Variants in ZNF362 observed in about 807,000 individuals in gnomAD.
ZNF362 encodes rotund homolog.
A neutral mutation model predicts 42.9 loss-of-function variants in ZNF362; 11 were observed. The ratio of observed to expected loss-of-function variants is 0.26; its 90% CI spans 0.16 to 0.42. The LOEUF is 0.42. Among genes scored for constraint, ZNF362 ranks in the 20% least tolerant of loss-of-function variants. The pLI, the probability that ZNF362 is intolerant of heterozygous loss-of-function variation, is 1.00. For missense variants in ZNF362, 362 were observed against 576.2 expected, an observed-to-expected ratio of 0.63 and a Z score of 3.81; for synonymous variants, 255 against 257.3, an observed-to-expected ratio of 0.99 and a Z score of 0.09.
chr1:33,211,546 A>G, the ZNF362 span, among the ~76,000 whole-genome samples: 1 of 152,134 alleles, frequency 6.6e-6, no homozygotes, highest in Non-Finnish European at 1.5e-5. Flanking sequence ...CTTTTCTTTA[A>G]GAATGTTGAA....
At chr1:33,251,834 T>C (rs1645763361), upstream of ZNF362, among the ~76,000 whole-genome samples, 2 of 152,244 alleles carry the variant, frequency 1.3e-5, no homozygotes, top group Admixed American at 1.3e-4. Context: ...TGAGACCTAA[T>C]TAAAGCATTA....
chr1:33,275,642 C>G (rs1645938601), intron 2 of ZNF362, among the ~76,000 whole-genome samples: 1 of 152,156 alleles, frequency 6.6e-6, no homozygotes, highest in African/African-American at 2.4e-5. Context: ...TGTCCGTACT[C>G]AAGGGGTCAG....
At chr1:33,200,222 A>T in the ZNF362 span, 1 of 152,146 alleles carries the variant, frequency 6.6e-6, no homozygotes, top group Admixed American at 6.5e-5. Context: ...CTTAGGCAAG[A>T]AGCTAAGGTG....
the ZNF362 span, chr1:33,181,033 C>G: frequency 6.5e-7 from 1 of 1,543,630 alleles, no homozygotes; most frequent in Non-Finnish European, 8.7e-7. The surrounding 1 kb of genome is among the most constrained non-coding windows in gnomAD (Gnocchi z 6.5). Context: ...ACCTGCAGCT[C>G]GTCGAAGGCG....
At chr1:33,203,636 T>C in the ZNF362 span, among the ~76,000 whole-genome samples, 2 of 152,170 alleles carry the variant, frequency 1.3e-5, no homozygotes, top group Non-Finnish European at 2.9e-5. Flanking sequence ...ACATGTGTTA[T>C]CTCTCATCTT....
In ZNF362 at chr1:33,294,844, G is replaced by A. The variant is rs913680665; in HGVS notation, c.909-93G>A. 9.1e-5 allele frequency: 129 copies of A among 1,420,910 alleles called. No homozygotes were observed. The highest frequency in any genetic ancestry group is 1.1e-4 in the Non-Finnish European group (111 of 1,014,268). The allele number at this position is 1,420,910 out of a possible 1,614,324, so 88.0% of individuals were successfully genotyped here. Reference sequence around the variant, plus strand: ...GGGGAGCATGGGCAGGGTAGGGACCGAGAGGCTTAGGGGCCAGAGTAAGGA... The same window carrying A: ...GGGGAGCATGGGCAGGGTAGGGACCAAGAGGCTTAGGGGCCAGAGTAAGGA... On this transcript the variant is annotated intron_variant, in intron 6 of 8. Transcript: ENST00000539719. This position sits in a 1 kb window ranked among gnomAD's most constrained non-coding sequence, Gnocchi z 4.2.
chr1:33,177,911 TG>T, the ZNF362 span, among the ~76,000 whole-genome samples: 11 of 152,170 alleles, frequency 7.2e-5, no homozygotes, highest in Non-Finnish European at 1.5e-4. The surrounding 1 kb of genome is among the most constrained non-coding windows in gnomAD (Gnocchi z 4.1). Flanking sequence ...ATGCTGTCCA[TG>T]AAGGACCCAA....
chr1:33,154,820 G>A, the ZNF362 span, among the ~76,000 whole-genome samples: 5 of 148,788 alleles, frequency 3.4e-5, no homozygotes, highest in African/African-American at 9.9e-5. Context: ...GTGGCCAGGC[G>A]CGGTGATTCA....
chr1:33,276,500 G>T lies in ZNF362; in HGVS notation c.255G>T (p.Leu85=). 3 of 1,576,076 alleles carry T rather than the reference G, an allele frequency of 1.9e-6. No individual in the cohort carries two copies. The South Asian group carries it at 3.4e-5, about 18-fold the overall frequency. ...PAESSQAVMS[L]PKLQQVPGLH... is the part of the protein sequence containing the mutation. The stretch of plus-strand genomic sequence containing the variant: ...AGAGCAGCCAGGCCGTCATGTCGCT[G>T]CCCAAGCTGCAGCAGGTGCCGGGGC... Residue 85 remains leucine (L), a synonymous_variant, in exon 4 of 9, where the codon CTG becomes CTT. Coordinates refer to ENST00000539719, the MANE Select transcript of ZNF362 (RefSeq NM_152493.3).
the ZNF362 span, chr1:33,165,360 A>G: frequency 9.8e-7 from 1 of 1,020,262 alleles, no homozygotes; most frequent in African/African-American, 1.6e-5. The surrounding 1 kb of genome is among the most constrained non-coding windows in gnomAD (Gnocchi z 4.0). Flanking sequence ...CCTTGAAGCC[A>G]GGTTTCCACC....
chr1:33,277,975 C>A (rs1400482293), intron 4 of ZNF362, among the ~76,000 whole-genome samples: 4 of 152,106 alleles, frequency 2.6e-5, no homozygotes, highest in African/African-American at 9.7e-5. Context: ...CTCTCTCCTT[C>A]TCTCCTGCAT....
At chr1:33,284,129 T>G (rs1037812666) in intron 6 of ZNF362, among the ~76,000 whole-genome samples, 1 of 152,218 alleles carries the variant, frequency 6.6e-6, no homozygotes, top group Non-Finnish European at 1.5e-5. Context: ...GTTACCCTTT[T>G]TTTGGAGAAT....
At chr1:33,274,131 G>A (rs1392022142) in intron 2 of ZNF362, among the ~76,000 whole-genome samples, 26 of 152,282 alleles carry the variant, frequency 1.7e-4, no homozygotes, top group Admixed American at 1.2e-3. Flanking sequence ...GGTCGCAGCC[G>A]TGTCATCCTA....
chr1:33,208,073 G>A, the ZNF362 span, among the ~76,000 whole-genome samples: 8 of 151,794 alleles, frequency 5.3e-5, no homozygotes, highest in African/African-American at 1.7e-4. Context: ...GGTTTTTATG[G>A]TTTTACGTCT....
chr1:33,217,239 A>C, the ZNF362 span, among the ~76,000 whole-genome samples: 1 of 152,208 alleles, frequency 6.6e-6, no homozygotes, highest in African/African-American at 2.4e-5. Flanking sequence ...TCTGACCTTC[A>C]GATCCACCTT....
At chr1:33,251,875 C>T (rs1380818428), upstream of ZNF362, among the ~76,000 whole-genome samples, 1 of 152,216 alleles carries the variant, frequency 6.6e-6, no homozygotes, top group Admixed American at 6.5e-5. Context: ...ATTCTTTCTC[C>T]TGGGACAGAC....
At chr1:33,241,979 A>T in the ZNF362 span, among the ~76,000 whole-genome samples, 1 of 152,244 alleles carries the variant, frequency 6.6e-6, no homozygotes, top group African/African-American at 2.4e-5. Flanking sequence ...GGGGAGAGAC[A>T]GCTAAAGATG....
intron 6 of ZNF362, among the ~76,000 whole-genome samples, chr1:33,283,322 T>C (rs1374058697): frequency 6.6e-6 from 1 of 152,206 alleles, no homozygotes; most frequent in Non-Finnish European, 1.5e-5. Context: ...TTTATCTCCA[T>C]TGTCTTTGAA....
chr1:33,289,478 G>A (rs938257932), intron 6 of ZNF362, among the ~76,000 whole-genome samples: 3 of 152,064 alleles, frequency 2.0e-5, no homozygotes, highest in African/African-American at 4.8e-5. Context: ...GGGGGAGGCC[G>A]GGCAGTTGTT....
Sources: gnomAD v4.1 joint callset for allele counts (sites outside exome capture counted in the v4.1 genomes callset) on GRCh38, gnomAD v4.1.1 for gene constraint, Gnocchi (gnomAD v3.1) non-coding constraint, MANE v1.5 for transcripts, NCBI Gene and HGNC (gene_info 2026-07-23, HGNC 2026-07-21) for gene names.